The following NCS1 variants were observed in gnomAD, a reference collection of about 807,000 sequenced individuals.
NCS1 encodes the protein neuronal calcium sensor 1.
In NCS1, 6 loss-of-function variants were observed where a neutral mutation model predicts 28.4. The ratio of observed to expected loss-of-function variants is 0.21; its 90% CI spans 0.12 to 0.42. The LOEUF (loss-of-function observed/expected upper bound fraction) is 0.42. Ranked by LOEUF, NCS1 falls within the 10% of genes least tolerant of loss-of-function variation. The pLI is 1.00. For synonymous variants in NCS1, 86 were observed against 99.3 expected (o/e 0.87, Z 0.79); for missense variants, 131 against 241.4 (o/e 0.54, Z 3.03).
At chr9:130,185,967 A>G (rs1832733102) in intron 1 of NCS1, among the ~76,000 whole-genome samples, 2 of 152,236 alleles carry the variant, frequency 1.3e-5, no homozygotes, top group South Asian at 4.1e-4. Flanking sequence ...TGCCCCGGCC[A>G]TGATTCCCCA....
At chr9:130,187,573 G>C (rs1554905774) in intron 1 of NCS1, among the ~76,000 whole-genome samples, 1 of 152,196 alleles carries the variant, frequency 6.6e-6, no homozygotes, top group Non-Finnish European at 1.5e-5. Context: ...TGCAGCTCAG[G>C]GGCCAGACCT....
intron 4 of NCS1, among the ~76,000 whole-genome samples, 171 bp from the exon 5 acceptor site, chr9:130,222,479 G>GGT (rs1226301759): frequency 5.3e-5 from 8 of 151,692 alleles, no homozygotes; most frequent in East Asian, 1.9e-4. Flanking sequence ...TAGTTGCAAT[G>GGT]GTGTGTGTGT....
intron 7 of NCS1, among the ~76,000 whole-genome samples, chr9:130,230,077 G>T (rs782581520): frequency 6.6e-6 from 1 of 152,222 alleles, no homozygotes. Context: ...TGGGCCAGGC[G>T]CACTGGCTCA....
intron 3 of NCS1, among the ~76,000 whole-genome samples, chr9:130,218,969 A>T (rs782245240): frequency 6.6e-6 from 1 of 152,160 alleles, no homozygotes; most frequent in African/African-American, 2.4e-5. Context: ...AGGTCAGGAA[A>T]CTGAGGCTCT....
rs1265395508 is a variant in NCS1, at chr9:130,180,160, G to C, written c.64+7433G>C. 6.6e-6 allele frequency among the ~76,000 whole-genome samples: 1 copy of C among 152,080 alleles called. No individual in the cohort carries two copies. Among genetic ancestry groups the C allele is most frequent in the East Asian group, 1.9e-4 (1 of 5,188 alleles). ...AGCTGTTCTCCTGCCTCAGCCTCCTGAGTAGCTCGTATTAGAATGTGCACC... is the reference window on the plus strand; with the variant it reads ...AGCTGTTCTCCTGCCTCAGCCTCCTCAGTAGCTCGTATTAGAATGTGCACC... On this transcript the variant is annotated intron_variant, in intron 1 of 7. Coordinates refer to ENST00000372398, the MANE Select transcript of NCS1 (RefSeq NM_014286.4). This position sits in a 1 kb window ranked among gnomAD's most constrained non-coding sequence, Gnocchi z 4.5.
At chr9:130,221,306 G>A (rs1353047076) in intron 4 of NCS1, among the ~76,000 whole-genome samples, 5 of 148,308 alleles carry the variant, frequency 3.4e-5, no homozygotes, top group African/African-American at 1.2e-4. Flanking sequence ...TTACAGGTGT[G>A]AGCCACCGTG....
rs551058812 is a variant in NCS1, at chr9:130,234,463, C to T, written c.*1491C>T. 2.0e-4 allele frequency: 31 copies of T among 152,400 alleles called. No individual in the cohort carries two copies. The highest frequency in any genetic ancestry group is 6.0e-4 in the African/African-American group (25 of 41,568). 9.4% of individuals were successfully genotyped at this position (152,400 alleles called of 1,614,324 possible). On this transcript the variant is annotated 3_prime_UTR_variant, in exon 8 of 8. Coordinates refer to ENST00000372398, the MANE Select transcript of NCS1 (RefSeq NM_014286.4). This position sits in a 1 kb window ranked among gnomAD's most constrained non-coding sequence, Gnocchi z 6.1. ...GTAGGAGCCCAAGGTCCGGCCCTTGCTCTTTGATTGTGGGCAGCCTCCTGC... is the reference window on the plus strand; with the variant it reads ...GTAGGAGCCCAAGGTCCGGCCCTTGTTCTTTGATTGTGGGCAGCCTCCTGC...
intron 4 of NCS1, among the ~76,000 whole-genome samples, chr9:130,220,774 T>G (rs1833272212): frequency 1.3e-5 from 2 of 150,508 alleles, no homozygotes; most frequent in Admixed American, 6.6e-5. Flanking sequence ...TTTTAAGAAA[T>G]AAAAGAGAAC....
chr9:130,211,139 C>T (rs142586926), intron 2 of NCS1, among the ~76,000 whole-genome samples: 1 of 151,078 alleles, frequency 6.6e-6, no homozygotes, highest in Non-Finnish European at 1.5e-5. Flanking sequence ...AGGTGTGAGC[C>T]ACCTGACCCA....
rs1274560339 is a variant in NCS1, at chr9:130,177,809, G to T, written c.64+5082G>T. Among the ~76,000 whole-genome samples, 1 of 152,222 alleles carries T rather than the reference G, an allele frequency of 6.6e-6. No individual in the cohort carries two copies. Among genetic ancestry groups the T allele is most frequent in the Admixed American group, 6.5e-5 (1 of 15,284 alleles). On this transcript the variant is annotated intron_variant, in intron 1 of 7. Transcript: ENST00000372398. The surrounding 1 kb of genome is among the most constrained non-coding windows in gnomAD (Gnocchi z 4.4). The stretch of plus-strand genomic sequence containing the variant: ...TGCAGTCCGGGGAGCGGGCCAGAAA[G>T]ACAAAGGGGTTGTTTGGCAGGAGAG...
At chr9:130,201,130 T>C in intron 2 of NCS1, 148 bp downstream of exon 2, 2 of 1,126,736 alleles carry the variant, frequency 1.8e-6, no homozygotes, top group Non-Finnish European at 2.7e-6. Context: ...CTTTGTTCAG[T>C]GGCCTTTGTC....
In NCS1 at chr9:130,232,804, A is replaced by T. The variant is rs184799155; in HGVS notation, c.*18-186A>T. Among the ~76,000 whole-genome samples the T allele has an allele frequency of 6.7e-6, 1 of 149,014 alleles. No homozygotes were observed. The highest frequency in any genetic ancestry group is 2.0e-4 in the East Asian group (1 of 5,100). ...CCAACTCAAAAAAAAGCAAACAAAA[A>T]AAAACCAAAAAACCCAAAGGGTGCC... is the stretch of plus-strand genomic sequence containing the variant. On this transcript the variant is annotated intron_variant, in intron 7 of 7. Transcript: ENST00000372398. This position sits in a 1 kb window ranked among gnomAD's most constrained non-coding sequence, Gnocchi z 4.4.
intron 4 of NCS1, among the ~76,000 whole-genome samples, chr9:130,221,397 T>G (rs201034022): frequency 2.2e-3 from 133 of 61,130 alleles, no homozygotes; most frequent in Middle Eastern, 8.8e-3. Flanking sequence ...TATATATATA[T>G]ATATATATAT....
rs968707497 is a variant in NCS1, at chr9:130,209,002, G to T, written c.89+8020G>T. Among the ~76,000 whole-genome samples the T allele has an allele frequency of 6.6e-5, 10 of 152,002 alleles. No homozygotes were observed. The highest frequency in any genetic ancestry group is 7.4e-5 in the Non-Finnish European group (5 of 67,818). Reference sequence around the variant, plus strand: ...GAAACCTGTAAAACCGGAGGCTACTGGGGGGAAGGGAAAGGAAGAGGAACC... The same window carrying T: ...GAAACCTGTAAAACCGGAGGCTACTTGGGGGAAGGGAAAGGAAGAGGAACC... On this transcript the variant is annotated intron_variant, in intron 2 of 7. Coordinates refer to ENST00000372398, the MANE Select transcript of NCS1 (RefSeq NM_014286.4). The surrounding 1 kb of genome is among the most constrained non-coding windows in gnomAD (Gnocchi z 4.4).
At chr9:130,200,908 C>T (rs782641284) in intron 1 of NCS1, 50 bp from the exon 2 acceptor site, 31 of 1,613,268 alleles carry the variant, frequency 1.9e-5, no homozygotes, top group African/African-American at 5.3e-5. Flanking sequence ...GCCCATCTCC[C>T]GGGACACCTT....
intron 4 of NCS1, among the ~76,000 whole-genome samples, chr9:130,221,827 TATATAA>T (rs1267689859): frequency 3.7e-5 from 4 of 107,960 alleles, no homozygotes; most frequent in Admixed American, 1.2e-4. Flanking sequence ...AAATTATGTA[TATATAA>T]ATATATATAC....
intron 4 of NCS1, among the ~76,000 whole-genome samples, chr9:130,221,877 AC>A (rs1554910552): frequency 4.0e-3 from 2 of 498 alleles, no homozygotes; most frequent in Non-Finnish European, 4.7e-3. Context: ...AAATATATAT[AC>A]ATAATACATA....
At chr9:130,189,894 A>G (rs1230146604) in intron 1 of NCS1, among the ~76,000 whole-genome samples, 1 of 133,704 alleles carries the variant, frequency 7.5e-6, no homozygotes, top group Non-Finnish European at 1.5e-5. Context: ...ATATATATAT[A>G]TATATATATA....
rs113435034 is a variant in NCS1, at chr9:130,178,455, G to A, written c.64+5728G>A. ...GTGTCAGGGGAAAGCCCTTTTCCCC[G>A]GCAGAGGCCTTGGGATCGGACCCAG... On this transcript the variant is annotated intron_variant, in intron 1 of 7. Coordinates refer to ENST00000372398, the MANE Select transcript of NCS1 (RefSeq NM_014286.4). Among the ~76,000 whole-genome samples, 707 of 152,298 alleles carry A rather than the reference G, an allele frequency of 4.6e-3. 7 individuals are homozygous for A. The highest frequency in any genetic ancestry group is 0.016 in the African/African-American group (673 of 41,572).
Sources: gnomAD v4.1 joint callset for allele counts (sites outside exome capture counted in the v4.1 genomes callset) on GRCh38, gnomAD v4.1.1 for gene constraint, Gnocchi (gnomAD v3.1) non-coding constraint, MANE v1.5 for transcripts, NCBI Gene and HGNC (gene_info 2026-07-23, HGNC 2026-07-21) for gene names.